Variants in CLEC4E observed in about 807,000 individuals in gnomAD.
The protein encoded by CLEC4E is C-type lectin domain family 4 member E.
Under a neutral mutation model 24.7 loss-of-function variants are expected in CLEC4E, and 21 were observed. The observed-to-expected ratio is 0.85, with a 90% CI of 0.60 to 1.22. The LOEUF (loss-of-function observed/expected upper bound fraction) is 1.22. CLEC4E is among the 50% of genes most tolerant of loss of function. The pLI is 0.00. For synonymous variants in CLEC4E, 94 were observed against 85.7 expected, an observed-to-expected ratio of 1.10 and a Z score of -0.54; for missense variants, 249 against 254.1, an observed-to-expected ratio of 0.98 and a Z score of 0.14.
rs369673502 is a variant in CLEC4E at position 8,537,098 on chromosome 12, C to A, written c.372+17G>T. The A allele has an allele frequency of 3.1e-6, 5 of 1,604,762 alleles. No homozygotes were observed. In the African/African-American group the frequency reaches 6.7e-5, roughly 21 times the overall value. ...CATGTCGGGAATGTTACATTGGCAT[C>A]GGAGGACTCCAGCTACCTGCTCCTC... On this transcript the variant is annotated intron_variant, in intron 4 of 5. Transcript: ENST00000299663.
chr12:8,538,586 T>C (rs111630673), intron 3 of CLEC4E, among the ~76,000 whole-genome samples: 204 of 152,328 alleles, frequency 1.3e-3, no homozygotes, highest in African/African-American at 4.7e-3. Context: ...AGTGGTCCCT[T>C]GGGCCCAGCT....
chr12:8,535,703 C>T (rs998110154), intron 5 of CLEC4E, among the ~76,000 whole-genome samples: 5 of 152,156 alleles, frequency 3.3e-5, no homozygotes, highest in African/African-American at 1.2e-4. Context: ...ATGCTATGTT[C>T]TAATGACGTG....
chr12:8,538,325 G>A (rs1252215728), intron 3 of CLEC4E, among the ~76,000 whole-genome samples: 1 of 152,202 alleles, frequency 6.6e-6, no homozygotes, highest in African/African-American at 2.4e-5. Flanking sequence ...TAGTAAATTA[G>A]CGAAAGTACT....
At position 8,537,166 on chromosome 12, in the gene CLEC4E, G is replaced by T. The variant is rs778360973; in HGVS notation, c.321C>A (p.Asn107Lys). The T allele has an allele frequency of 1.9e-6, 3 of 1,614,134 alleles. No homozygotes were observed. In the Admixed American group the frequency reaches 5.0e-5, roughly 27 times the overall value. Residue 107 changes from asparagine to lysine, a missense_variant, in exon 4 of 6, where the codon AAC becomes AAA. Transcript: ENST00000299663. Reference sequence around the variant, plus strand: ...CCAGGTGAGCCCCCATGGCTGAGCAGTTCTTTAAACTTAACGCCCAGGAAA... The same window carrying T: ...CCAGGTGAGCCCCCATGGCTGAGCATTTCTTTAAACTTAACGCCCAGGAAA... ...DTISWALSLK[N>K]CSAMGAHLVV...
chr12:8,539,241 G>A lies in CLEC4E; in HGVS notation c.196C>T (p.Leu66Phe), dbSNP rs1940661270. The A allele has an allele frequency of 1.2e-6, 2 of 1,611,980 alleles. No homozygotes were observed. The highest frequency in any genetic ancestry group is 1.7e-6 in the Non-Finnish European group (2 of 1,178,212). Residue 66 changes from leucine (L) to phenylalanine (F), a missense_variant, in exon 3 of 6, where the codon CTC (leucine) becomes TTC (phenylalanine). Physicochemically the swap from Leu to Phe is conservative, Grantham distance 22. Transcript: ENST00000299663. ...KFQLPENFTELSCYNYGSGSV... is the reference protein window; with the variant it reads ...KFQLPENFTEFSCYNYGSGSV... ...CCTGATCCATAATTGTAGCAGGAGA[G>A]CTCTGTGAAATTCTCAGGTAGCTGA...
At chr12:8,539,616 C>T (rs1018098062) in intron 2 of CLEC4E, among the ~76,000 whole-genome samples, 3 of 151,836 alleles carry the variant, frequency 2.0e-5, no homozygotes, top group African/African-American at 4.8e-5. Flanking sequence ...TTCAGGACTG[C>T]CAAGGAAGTG....
At chr12:8,539,615 G>A (rs1940667574) in intron 2 of CLEC4E, among the ~76,000 whole-genome samples, 1 of 152,106 alleles carries the variant, frequency 6.6e-6, no homozygotes, top group Non-Finnish European at 1.5e-5. Flanking sequence ...ATTCAGGACT[G>A]CCAAGGAAGT....
At chr12:8,535,962 TCTC>T in intron 5 of CLEC4E, 125 bp downstream of exon 5, 2 of 531,218 alleles carry the variant, frequency 3.8e-6, no homozygotes, top group Admixed American at 3.4e-5. Context: ...TGCTTGTACT[TCTC>T]CTTCATCTTT....
At chr12:8,535,543 C>G (rs1426943568) in intron 5 of CLEC4E, among the ~76,000 whole-genome samples, 1 of 151,608 alleles carries the variant, frequency 6.6e-6, no homozygotes, top group African/African-American at 2.4e-5. Context: ...GCACATCCTG[C>G]ACATGTACCC....
intron 4 of CLEC4E, 51 bp downstream of exon 4, chr12:8,537,064 G>A: frequency 1.3e-6 from 2 of 1,567,090 alleles, no homozygotes; most frequent in Middle Eastern, 1.8e-4. Flanking sequence ...TATGAAAAGA[G>A]AGGTGGACCA....
chr12:8,534,825 A>C lies in CLEC4E; in HGVS notation c.489-16T>G. 6.3e-7 allele frequency: 1 copy of C among 1,597,346 alleles called. No individual in the cohort carries two copies. The highest frequency in any genetic ancestry group is 8.5e-7 in the Non-Finnish European group (1 of 1,174,306). On this transcript the variant is annotated splice_polypyrimidine_tract_variant and intron_variant, in intron 5 of 5. Coordinates refer to ENST00000299663, the MANE Select transcript of CLEC4E (RefSeq NM_014358.4). ...ATCCCAGAAGCTGAAAAAGAATGAC[A>C]TAGGAGACTTAAAATCCCAGCAAAA...
Position 8,534,645 on chromosome 12 carries a change from G to T in CLEC4E, c.653C>A (p.Ser218Tyr). ...GAGTTGTGCCTTCTGTTCTTAAAGA[G>T]ATTTTCCTTTGTTCAAAGGATTTAT... Reference protein sequence around the residue: ...VGINPLNKGKSL With the variant: ...VGINPLNKGKYL Residue 218 changes from serine to tyrosine, a missense_variant, in exon 6 of 6, where the codon TCT becomes TAT. By Grantham distance (144) the Ser-to-Tyr change is moderately radical. Coordinates refer to ENST00000299663, the MANE Select transcript of CLEC4E (RefSeq NM_014358.4). 6.2e-7 allele frequency: 1 copy of T among 1,612,754 alleles called. No homozygotes were observed.
chr12:8,539,134 T>G, intron 3 of CLEC4E, 83 bp downstream of exon 3: 1 of 938,918 alleles, frequency 1.1e-6, no homozygotes, highest in Non-Finnish European at 1.7e-6. Flanking sequence ...AATCCAGCTA[T>G]ATCTCACCTG....
intron 2 of CLEC4E, 80 bp downstream of exon 2, chr12:8,539,775 G>C (rs941637673): frequency 2.1e-5 from 18 of 862,146 alleles, no homozygotes; most frequent in Non-Finnish European, 3.1e-5. Flanking sequence ...AGGGCAAAGA[G>C]AGTCTACAGG....
At chr12:8,538,109 A>T (rs4551822) in intron 3 of CLEC4E, among the ~76,000 whole-genome samples, 52 of 152,188 alleles carry the variant, frequency 3.4e-4, no homozygotes, top group African/African-American at 1.1e-3. Context: ...CTTAGCAGAC[A>T]GGAAAAGGGA....
intron 3 of CLEC4E, among the ~76,000 whole-genome samples, chr12:8,538,573 G>A (rs969872269): frequency 1.6e-4 from 24 of 152,316 alleles, no homozygotes; most frequent in African/African-American, 5.8e-4. Context: ...GCGCATTGGT[G>A]GTAGTGGTCC....
At chr12:8,537,821 A>G (rs745603324) in intron 3 of CLEC4E, among the ~76,000 whole-genome samples, 1 of 152,370 alleles carries the variant, frequency 6.6e-6, no homozygotes, top group Admixed American at 6.5e-5. Flanking sequence ...ATCATTAATC[A>G]TTAGTTTGTA....
rs1940571992 is a variant in CLEC4E, at chr12:8,533,470, T to C, written c.*1168A>G. The stretch of plus-strand genomic sequence containing the variant: ...AATCTAAATGTGAGTCAACAATAGA[T>C]TGGATAGAGAAAATGTGATACATAG... On this transcript the variant is annotated 3_prime_UTR_variant, in exon 6 of 6. Transcript: ENST00000299663. The C allele has an allele frequency of 1.3e-5, 2 of 152,110 alleles. No individual in the cohort carries two copies. Among genetic ancestry groups the C allele is most frequent in the African/African-American group, 4.8e-5 (2 of 41,418 alleles). The allele number at this position is 152,110 out of a possible 1,614,324, so 9.4% of individuals were successfully genotyped here.
At chr12:8,537,012 T>C (rs989782674) in intron 4 of CLEC4E, 103 bp downstream of exon 4, 8 of 1,029,906 alleles carry the variant, frequency 7.8e-6, no homozygotes, top group Non-Finnish European at 1.1e-5. Context: ...TTTTAGTACA[T>C]TCATTAACAA....
Sources: gnomAD v4.1 joint callset for allele counts (sites outside exome capture counted in the v4.1 genomes callset) on GRCh38, gnomAD v4.1.1 for gene constraint, MANE v1.5 for transcripts, NCBI Gene and HGNC (gene_info 2026-07-23, HGNC 2026-07-21) for gene names.